The following IQCM variants were observed in gnomAD, a reference collection of about 807,000 sequenced individuals.
The protein encoded by IQCM is IQ domain-containing protein M.
A neutral mutation model predicts 57.6 loss-of-function variants in IQCM; 45 were observed. The ratio of observed to expected loss-of-function variants is 0.78; its 90% CI spans 0.62 to 1.00. IQCM has a LOEUF of 1.00. Among genes scored for constraint, IQCM ranks in the 50% least tolerant of loss-of-function variants. The pLI is 0.00. For missense variants in IQCM, 468 were observed against 511.6 expected (o/e 0.91, Z 0.82); for synonymous variants, 148 against 158.9 (o/e 0.93, Z 0.51).
At chr4:149,472,150 G>T (rs1296722884) in intron 12 of IQCM, among the ~76,000 whole-genome samples, 1 of 152,122 alleles carries the variant, frequency 6.6e-6, no homozygotes, top group Non-Finnish European at 1.5e-5. Flanking sequence ...GAAATAAAGG[G>T]TATTCAATTA....
At chr4:149,483,295 T>G (rs1741114173) in intron 12 of IQCM, among the ~76,000 whole-genome samples, 1 of 151,888 alleles carries the variant, frequency 6.6e-6, no homozygotes, top group Non-Finnish European at 1.5e-5. Flanking sequence ...CATCATTATT[T>G]CTTTTCTTCT....
At chr4:149,531,211 A>G (rs868480169) in intron 12 of IQCM, among the ~76,000 whole-genome samples, 6 of 152,144 alleles carry the variant, frequency 3.9e-5, no homozygotes, top group Non-Finnish European at 7.4e-5. Context: ...TCTCTTTGTT[A>G]TATGCGTAAA....
intron 13 of IQCM, among the ~76,000 whole-genome samples, chr4:149,423,215 T>TA (rs1734233948): frequency 6.6e-6 from 1 of 151,922 alleles, no homozygotes; most frequent in South Asian, 2.1e-4. Context: ...TCAGGAAACT[T>TA]ACAACTGGTG....
rs139097946 is a variant in IQCM, at chr4:149,586,153, C to T, written c.749+1777G>A. 3.6e-3 allele frequency among the ~76,000 whole-genome samples: 545 copies of T among 151,734 alleles called. 3 individuals are homozygous for T. Among genetic ancestry groups the T allele is most frequent in the African/African-American group, 0.012 (509 of 41,488 alleles). ...GTAAAGAATATTTCTAGGAAAAGGA[C>T]TTATGCAAGAACACGAACTGCTTTG... On this transcript the variant is annotated intron_variant, in intron 9 of 13. Transcript: ENST00000636793.
intron 13 of IQCM, among the ~76,000 whole-genome samples, chr4:149,378,948 G>A (rs1278024863): frequency 6.6e-6 from 1 of 152,128 alleles, no homozygotes; most frequent in Non-Finnish European, 1.5e-5. Context: ...ACAGTCTAGG[G>A]ACTTGGTGCC....
intron 2 of IQCM, among the ~76,000 whole-genome samples, chr4:149,795,384 G>A (rs1561283368): frequency 6.6e-6 from 1 of 152,144 alleles, no homozygotes; most frequent in Non-Finnish European, 1.5e-5. Context: ...CGCCGAAAGA[G>A]GGAGCATTTA....
At chr4:149,367,014 C>T (rs967034207) in intron 13 of IQCM, among the ~76,000 whole-genome samples, 1 of 151,992 alleles carries the variant, frequency 6.6e-6, no homozygotes, top group Non-Finnish European at 1.5e-5. Flanking sequence ...GTATTTAATT[C>T]TGTGCAAGGC....
rs563093959 is a variant in IQCM, at chr4:149,593,317, A to G, written c.682-5320T>C. ...TTGCACATTGATTTTGTATCCTGAG[A>G]CTTTGCTGAAGTTGCCTACCAGCTT... On this transcript the variant is annotated intron_variant, in intron 8 of 13. Coordinates refer to ENST00000636793, the MANE Select transcript of IQCM (RefSeq NM_001363507.2). Among the ~76,000 whole-genome samples, 10 of 152,228 alleles carry G rather than the reference A, an allele frequency of 6.6e-5. No individual in the cohort carries two copies. In the South Asian group the frequency reaches 1.5e-3, roughly 22 times the overall value.
chr4:149,471,277 T>C (rs996802415), intron 12 of IQCM, among the ~76,000 whole-genome samples: 2 of 152,020 alleles, frequency 1.3e-5, no homozygotes, highest in Non-Finnish European at 1.5e-5. Context: ...TAAAAAATGA[T>C]AAAGAGATAT....
chr4:149,801,293 A>C (rs1325715897), intron 2 of IQCM, among the ~76,000 whole-genome samples: 1 of 151,984 alleles, frequency 6.6e-6, no homozygotes, highest in Non-Finnish European at 1.5e-5. Flanking sequence ...GTTGGTGGGA[A>C]TGTAAAATTA....
intron 13 of IQCM, among the ~76,000 whole-genome samples, chr4:149,399,877 G>A (rs1441033346): frequency 6.6e-6 from 1 of 152,036 alleles, no homozygotes; most frequent in Non-Finnish European, 1.5e-5. Context: ...AATTCTAATT[G>A]TTATCCTTTT....
intron 7 of IQCM, among the ~76,000 whole-genome samples, chr4:149,636,500 GCAGAAGAACC>G (rs565094441): frequency 5.9e-5 from 9 of 152,028 alleles, no homozygotes; most frequent in African/African-American, 1.9e-4. Flanking sequence ...TGGAAGTGGA[GCAGAAGAACC>G]CAGAGAAGTC....
chr4:149,684,339 T>C (rs1762403279), intron 6 of IQCM, among the ~76,000 whole-genome samples: 1 of 151,366 alleles, frequency 6.6e-6, no homozygotes, highest in East Asian at 1.9e-4. Flanking sequence ...ATCATATTCA[T>C]GTTTTGCTCA....
intron 2 of IQCM, among the ~76,000 whole-genome samples, chr4:149,752,745 T>G (rs1455449295): frequency 6.6e-6 from 1 of 152,002 alleles, no homozygotes; most frequent in Non-Finnish European, 1.5e-5. Flanking sequence ...TCAGCTCCAG[T>G]GTAGTAACCA....
Position 149,672,915 on chromosome 4 carries a change from T to C in IQCM, c.565+9203A>G, listed in dbSNP as rs941347753. 4.6e-5 allele frequency among the ~76,000 whole-genome samples: 7 copies of C among 152,286 alleles called. No homozygotes were observed. The South Asian group carries it at 6.2e-4, about 14-fold the overall frequency. On this transcript the variant is annotated intron_variant, in intron 7 of 13. Transcript: ENST00000636793. The stretch of plus-strand genomic sequence containing the variant: ...ACCCACAAAGGGAAGCCCATCAGAC[T>C]AACAGCAGATCTTTCGGCAGAAACT...
At chr4:149,593,394 A>G (rs2150014222) in intron 8 of IQCM, among the ~76,000 whole-genome samples, 1 of 152,224 alleles carries the variant, frequency 6.6e-6, no homozygotes, top group South Asian at 2.1e-4. Flanking sequence ...CAATCATATC[A>G]TCTGCAAACA....
intron 12 of IQCM, among the ~76,000 whole-genome samples, chr4:149,531,640 C>T (rs1344140085): frequency 1.3e-5 from 2 of 151,986 alleles, no homozygotes; most frequent in African/African-American, 2.4e-5. Flanking sequence ...AGCATAATTT[C>T]AATGCATTTA....
intron 12 of IQCM, among the ~76,000 whole-genome samples, chr4:149,484,122 T>C (rs1282746903): frequency 6.6e-6 from 1 of 151,996 alleles, no homozygotes; most frequent in Non-Finnish European, 1.5e-5. Context: ...TCTTTTTTTG[T>C]TTGTTTGTTT....
At chr4:149,780,153 T>G (rs1334534216) in intron 2 of IQCM, 1 of 152,146 alleles carries the variant, frequency 6.6e-6, no homozygotes, top group South Asian at 2.1e-4. Context: ...AGAAACATAT[T>G]GTTGAAGACA....
Sources: gnomAD v4.1 joint callset for allele counts (sites outside exome capture counted in the v4.1 genomes callset) on GRCh38, gnomAD v4.1.1 for gene constraint, MANE v1.5 for transcripts, NCBI Gene and HGNC (gene_info 2026-07-23, HGNC 2026-07-21) for gene names.